The following PRKN variants were observed in gnomAD, a reference collection of about 807,000 sequenced individuals.
PRKN encodes parkin RBR E3 ubiquitin protein ligase.
In PRKN, 56 loss-of-function variants were observed where a neutral mutation model predicts 59.5. That is an observed-to-expected ratio of 0.94 (90% confidence interval 0.76 to 1.18). The LOEUF (loss-of-function observed/expected upper bound fraction) is 1.18, where lower values mean the gene tolerates loss of function less well. Among genes scored for constraint, PRKN ranks in the 50% most tolerant of loss-of-function variants. PRKN has a pLI of 0.00. For synonymous variants in PRKN, 250 were observed against 222.1 expected (o/e 1.13, Z -1.12); for missense variants, 657 against 596.4 (o/e 1.10, Z -1.06).
chr6:161,419,773 A>G lies in PRKN; in HGVS notation c.1084-32896T>C. Among the ~76,000 whole-genome samples the G allele has an allele frequency of 6.6e-6, 1 of 152,106 alleles. No individual in the cohort carries two copies. The highest frequency in any genetic ancestry group is 1.5e-5 in the Non-Finnish European group (1 of 67,988). ...GCCGGAGTTCAGTTCTAGTCCTCCT[A>G]CTTCCGACTGATAGTGGCTCTGAGT... On this transcript the variant is annotated intron_variant, in intron 9 of 11. Coordinates refer to ENST00000366898, the MANE Select transcript of PRKN (RefSeq NM_004562.3). The surrounding 1 kb of genome is among the most constrained non-coding windows in gnomAD (Gnocchi z 4.1).
At chr6:162,571,350 T>C (rs1246322351) in intron 1 of PRKN, 1 of 131,604 alleles carries the variant, frequency 7.6e-6, no homozygotes, top group Non-Finnish European at 1.7e-5. Context: ...GCAAAACAAA[T>C]GAAAAAAAGC....
intron 7 of PRKN, among the ~76,000 whole-genome samples, chr6:161,711,088 T>G (rs1166185271): frequency 1.3e-5 from 2 of 152,096 alleles, no homozygotes; most frequent in African/African-American, 4.8e-5. Flanking sequence ...AAAACCTATC[T>G]TTTCAGACAC....
intron 9 of PRKN, among the ~76,000 whole-genome samples, chr6:161,491,283 A>G (rs1777545804): frequency 6.6e-6 from 1 of 152,128 alleles, no homozygotes; most frequent in African/African-American, 2.4e-5. Flanking sequence ...AGGAAGAAGG[A>G]TCGTACTCAT....
chr6:162,447,873 C>G (rs1296948847), intron 1 of PRKN, among the ~76,000 whole-genome samples: 1 of 152,126 alleles, frequency 6.6e-6, no homozygotes, highest in African/African-American at 2.4e-5. Flanking sequence ...CCAATCTGTG[C>G]CTGGCACTCC....
Position 161,479,188 on chromosome 6 carries a change from C to A in PRKN, c.1083+69666G>T, listed in dbSNP as rs546561528. ...ATTGTTGTGTGGTAGGTGATTACTT[C>A]GCACAATGATGACATTTGAAAAATA... On this transcript the variant is annotated intron_variant, in intron 9 of 11. Coordinates refer to ENST00000366898, the MANE Select transcript of PRKN (RefSeq NM_004562.3). Among the ~76,000 whole-genome samples, 21 of 152,174 alleles carry A rather than the reference C, an allele frequency of 1.4e-4. No individual in the cohort carries two copies. In the South Asian group the frequency reaches 4.4e-3, roughly 32 times the overall value.
chr6:162,605,100 T>C (rs1443006029), intron 1 of PRKN, among the ~76,000 whole-genome samples: 2 of 152,206 alleles, frequency 1.3e-5, no homozygotes, highest in Non-Finnish European at 2.9e-5. Flanking sequence ...TATCCTTTTA[T>C]AGGTGATAGA....
chr6:161,978,769 T>C (rs1437340764), intron 5 of PRKN, among the ~76,000 whole-genome samples: 4 of 152,262 alleles, frequency 2.6e-5, no homozygotes, highest in African/African-American at 9.6e-5. Flanking sequence ...ACAGTGGTTA[T>C]GCCTGAGGCA....
At chr6:161,420,239 C>CAA (rs529929769) in intron 9 of PRKN, among the ~76,000 whole-genome samples, 4,089 of 73,044 alleles carry the variant, frequency 0.056, 230 homozygotes, top group African/African-American at 0.16. Flanking sequence ...GACTATGTCT[C>CAA]AAAAAAAAAA....
intron 1 of PRKN, among the ~76,000 whole-genome samples, chr6:162,485,951 G>T (rs2128183531): frequency 6.6e-6 from 1 of 152,322 alleles, no homozygotes; most frequent in African/African-American, 2.4e-5. Context: ...TACGTCAAAT[G>T]ATTGTCAGTG....
At chr6:162,716,256 T>C (rs1297073056) in intron 1 of PRKN, among the ~76,000 whole-genome samples, 2 of 152,252 alleles carry the variant, frequency 1.3e-5, no homozygotes, top group Non-Finnish European at 2.9e-5. Context: ...TAAGGGAATA[T>C]TTTCCAAATG....
Position 161,581,644 on chromosome 6 carries a change from A to G in PRKN, c.872-12228T>C, listed in dbSNP as rs1342665531. On this transcript the variant is annotated intron_variant, in intron 7 of 11. Coordinates refer to ENST00000366898, the MANE Select transcript of PRKN (RefSeq NM_004562.3). The surrounding 1 kb of genome is among the most constrained non-coding windows in gnomAD (Gnocchi z 4.5). The stretch of plus-strand genomic sequence containing the variant: ...ATGTCATCAACAGTGAGCAAGAGAC[A>G]GGAAATAGAATGGAAGAAATGAAGG... Among the ~76,000 whole-genome samples, 1 of 152,216 alleles carries G rather than the reference A, an allele frequency of 6.6e-6. No individual in the cohort carries two copies. The highest frequency in any genetic ancestry group is 2.4e-5 in the African/African-American group (1 of 41,460).
At chr6:162,243,453 G>C (rs200310369) in intron 3 of PRKN, among the ~76,000 whole-genome samples, 3 of 152,022 alleles carry the variant, frequency 2.0e-5, no homozygotes, top group East Asian at 3.9e-4. Flanking sequence ...AAGTATAAAC[G>C]TATTAAAACT....
chr6:161,820,265 T>C (rs191102357), intron 6 of PRKN, among the ~76,000 whole-genome samples: 1 of 152,010 alleles, frequency 6.6e-6, no homozygotes, highest in East Asian at 1.9e-4. Flanking sequence ...CTAGTGGGAA[T>C]ATAAATTAGC....
chr6:162,691,685 A>G (rs1380170410), intron 1 of PRKN, among the ~76,000 whole-genome samples: 1 of 152,208 alleles, frequency 6.6e-6, no homozygotes, highest in Non-Finnish European at 1.5e-5. Flanking sequence ...AGTTAATGAC[A>G]TACTTCTCAT....
chr6:162,385,012 T>C (rs916545348), intron 2 of PRKN, among the ~76,000 whole-genome samples: 5 of 152,188 alleles, frequency 3.3e-5, no homozygotes, highest in Non-Finnish European at 7.4e-5. Context: ...ATGACTTAAG[T>C]AGTTTTAGAC....
chr6:162,630,782 C>G (rs1375788632), intron 1 of PRKN, among the ~76,000 whole-genome samples: 3 of 152,096 alleles, frequency 2.0e-5, no homozygotes, highest in Non-Finnish European at 4.4e-5. Flanking sequence ...AAGCATGATA[C>G]TGTCTTACAC....
At chr6:162,620,352 A>T (rs917411365) in intron 1 of PRKN, among the ~76,000 whole-genome samples, 1 of 152,042 alleles carries the variant, frequency 6.6e-6, no homozygotes, top group Non-Finnish European at 1.5e-5. Context: ...TGTTAATTAC[A>T]TTATTTTTTT....
intron 1 of PRKN, among the ~76,000 whole-genome samples, chr6:162,610,678 AAAT>A (rs1403280283): frequency 1.3e-5 from 2 of 152,184 alleles, no homozygotes; most frequent in African/African-American, 4.8e-5. Context: ...AGTAACAGCA[AAAT>A]AATAGTAAAT....
chr6:162,346,932 A>T (rs925490111), intron 2 of PRKN, among the ~76,000 whole-genome samples: 17 of 151,938 alleles, frequency 1.1e-4, no homozygotes, highest in African/African-American at 3.9e-4. Flanking sequence ...CTTTCCTAGT[A>T]TTTGTAGTCA....
Sources: gnomAD v4.1 joint callset for allele counts (sites outside exome capture counted in the v4.1 genomes callset) on GRCh38, gnomAD v4.1.1 for gene constraint, Gnocchi (gnomAD v3.1) non-coding constraint, MANE v1.5 for transcripts, NCBI Gene and HGNC (gene_info 2026-07-23, HGNC 2026-07-21) for gene names.